Variants in AK9 observed in about 807,000 individuals in gnomAD.
The protein encoded by AK9 is adenylate kinase 9.
Under a neutral mutation model 239.6 loss-of-function variants are expected in AK9, and 191 were observed. The ratio of observed to expected loss-of-function variants is 0.80; its 90% CI spans 0.71 to 0.90. The LOEUF is 0.90. Ranked by LOEUF, AK9 falls within the 40% of genes least tolerant of loss-of-function variation. AK9 has a pLI of 0.00. For synonymous variants in AK9, 689 were observed against 721.0 expected (o/e 0.96, Z 0.71); for missense variants, 1,995 against 2,214.7 (o/e 0.90, Z 1.99).
chr6:109,652,528 T>G (rs1212268349), intron 8 of AK9, among the ~76,000 whole-genome samples: 2 of 152,224 alleles, frequency 1.3e-5, no homozygotes, highest in African/African-American at 4.8e-5. Flanking sequence ...TCACTGTCAA[T>G]GTAACATTTT....
chr6:109,646,403 A>T (rs1339273926), intron 8 of AK9, among the ~76,000 whole-genome samples: 1 of 152,194 alleles, frequency 6.6e-6, no homozygotes, highest in Non-Finnish European at 1.5e-5. Flanking sequence ...ACCTTAAATG[A>T]CATGATGGAG....
At position 109,516,203 on chromosome 6, in the gene AK9, A is replaced by G. The variant is rs557771816; in HGVS notation, c.3847-128T>C. ...AGAACACAAATATTTTTCAGCTTCC[A>G]AGTGGCTGCATGTTGGTGACTAAAC... is the stretch of plus-strand genomic sequence containing the variant. On this transcript the variant is annotated intron_variant, in intron 30 of 40. Transcript: ENST00000424296. 3.2e-5 allele frequency: 31 copies of G among 959,428 alleles called. No homozygotes were observed. The East Asian group carries it at 8.1e-4, about 25-fold the overall frequency. The allele number at this position is 959,428 out of a possible 1,614,324, so 59.4% of individuals were successfully genotyped here.
At chr6:109,623,927 G>A (rs968410353) in intron 12 of AK9, among the ~76,000 whole-genome samples, 7 of 144,188 alleles carry the variant, frequency 4.9e-5, no homozygotes, top group African/African-American at 5.1e-5. Flanking sequence ...ACATCCCTCC[G>A]TAAGCCCCCA....
intron 8 of AK9, among the ~76,000 whole-genome samples, chr6:109,651,528 C>G (rs1304760366): frequency 6.6e-6 from 1 of 152,014 alleles, no homozygotes; most frequent in Non-Finnish European, 1.5e-5. Context: ...CAAGAGCAAA[C>G]AAATTCAAAA....
chr6:109,495,204 G>T, intron 39 of AK9, 134 bp downstream of exon 39: 2 of 685,218 alleles, frequency 2.9e-6, no homozygotes, highest in East Asian at 2.9e-5. Flanking sequence ...AACAAAATAG[G>T]CTGAGAGAAT....
chr6:109,612,797 CATT>C (rs1793729413), intron 15 of AK9, among the ~76,000 whole-genome samples: 1 of 151,618 alleles, frequency 6.6e-6, no homozygotes, highest in Non-Finnish European at 1.5e-5. Flanking sequence ...ATCAGCTCTA[CATT>C]ATTTAACAAA....
chr6:109,678,832 C>A (rs1343205953), intron 1 of AK9, among the ~76,000 whole-genome samples: 1 of 152,030 alleles, frequency 6.6e-6, no homozygotes, highest in Non-Finnish European at 1.5e-5. Context: ...TGAGGCATCG[C>A]CTCACCCAGG....
intron 5 of AK9, among the ~76,000 whole-genome samples, chr6:109,664,534 C>T (rs1265538623): frequency 6.6e-6 from 1 of 152,050 alleles, no homozygotes; most frequent in East Asian, 2.0e-4. Flanking sequence ...AAGTGATTCT[C>T]CTGCCTCAGC....
At chr6:109,536,597 C>A (rs1024339697) in intron 27 of AK9, among the ~76,000 whole-genome samples, 2 of 152,136 alleles carry the variant, frequency 1.3e-5, no homozygotes, top group African/African-American at 4.8e-5. Flanking sequence ...CCATTTATTT[C>A]TTTCTCCTGC....
At chr6:109,549,462 A>C (rs187298490) in intron 25 of AK9, among the ~76,000 whole-genome samples, 7 of 152,296 alleles carry the variant, frequency 4.6e-5, no homozygotes, top group Admixed American at 4.6e-4. Context: ...CTGAAAGACT[A>C]ACCAGAATGA....
chr6:109,500,099 T>A (rs1478900908), intron 35 of AK9, among the ~76,000 whole-genome samples: 1 of 150,274 alleles, frequency 6.7e-6, no homozygotes, highest in Non-Finnish European at 1.5e-5. Flanking sequence ...TACCCGCACA[T>A]TTATAAACTT....
At chr6:109,551,565 A>AT (rs1225843929) in intron 24 of AK9, among the ~76,000 whole-genome samples, 2 of 151,364 alleles carry the variant, frequency 1.3e-5, no homozygotes, top group African/African-American at 4.9e-5. Flanking sequence ...GAAAATAATG[A>AT]TTTTTTTCCT....
intron 8 of AK9, among the ~76,000 whole-genome samples, chr6:109,655,607 T>C (rs1799580287): frequency 6.6e-6 from 1 of 152,208 alleles, no homozygotes; most frequent in African/African-American, 2.4e-5. Context: ...TTGTTAAATA[T>C]TTACTGCTTG....
At chr6:109,604,941 T>C (rs1226713419) in intron 17 of AK9, among the ~76,000 whole-genome samples, 2 of 152,218 alleles carry the variant, frequency 1.3e-5, no homozygotes, top group Non-Finnish European at 2.9e-5. Flanking sequence ...TCTTGTCACA[T>C]GTGGATTGTT....
rs1357342008 is a variant in AK9, at chr6:109,573,601, A to G, written c.2192-7T>C. 1 of 1,533,612 alleles carries G rather than the reference A, an allele frequency of 6.5e-7. No individual in the cohort carries two copies. The highest frequency in any genetic ancestry group is 1.4e-5 in the African/African-American group (1 of 72,004). On this transcript the variant is annotated splice_region_variant and splice_polypyrimidine_tract_variant and intron_variant, in intron 20 of 40. Coordinates refer to ENST00000424296, the MANE Select transcript of AK9 (RefSeq NM_001145128.3). ...TTATCAGTCTCTTCAGCTTCTAAAA[A>G]AATTTGAAGAAATAAATTATCATTT...
intron 1 of AK9, among the ~76,000 whole-genome samples, chr6:109,684,358 A>G (rs1773132680): frequency 6.6e-6 from 1 of 152,190 alleles, no homozygotes; most frequent in South Asian, 2.1e-4. Flanking sequence ...CATGACTAAA[A>G]TACCAAAAGC....
chr6:109,603,656 C>T (rs1031688400), intron 17 of AK9, among the ~76,000 whole-genome samples: 3 of 152,316 alleles, frequency 2.0e-5, no homozygotes, highest in Middle Eastern at 3.4e-3. Context: ...TTTGGCTATG[C>T]CCTGCCCCCA....
At chr6:109,646,440 T>G (rs545224608) in intron 8 of AK9, among the ~76,000 whole-genome samples, 1 of 152,140 alleles carries the variant, frequency 6.6e-6, no homozygotes, top group South Asian at 2.1e-4. Flanking sequence ...GAGAACTACG[T>G]GATGCATGCA....
intron 33 of AK9, 95 bp downstream of exon 33, chr6:109,509,084 G>A (rs1482536517): frequency 4.0e-6 from 5 of 1,238,434 alleles, no homozygotes; most frequent in South Asian, 3.1e-5. Flanking sequence ...CTTTATAAGA[G>A]CTTTAAGCCC....
Sources: gnomAD v4.1 joint callset for allele counts (sites outside exome capture counted in the v4.1 genomes callset) on GRCh38, gnomAD v4.1.1 for gene constraint, MANE v1.5 for transcripts, NCBI Gene and HGNC (gene_info 2026-07-23, HGNC 2026-07-21) for gene names.